Variants in UBE2O observed in about 807,000 individuals in gnomAD.
UBE2O encodes ubiquitin conjugating enzyme E2 O, also known as (E3-independent) E2 ubiquitin-conjugating enzyme.
In UBE2O, 15 loss-of-function variants were observed where a neutral mutation model predicts 125.8. That is an observed-to-expected ratio of 0.12 (90% CI 0.08 to 0.18). The LOEUF (loss-of-function observed/expected upper bound fraction) is 0.18. Among genes scored for constraint, UBE2O ranks in the 10% least tolerant of loss-of-function variants. The probability of loss-of-function intolerance (pLI) is 1.00; values close to 1 mark genes in which losing one functional copy is unlikely to be tolerated. For missense variants in UBE2O, 1,280 were observed against 1,723.6 expected (o/e 0.74, Z 4.56); for synonymous variants, 708 against 703.2 (o/e 1.01, Z -0.11).
chr17:76,393,279 T>G (rs2072146244), intron 15 of UBE2O, among the ~76,000 whole-genome samples: 1 of 88,850 alleles, frequency 1.1e-5, no homozygotes, highest in Admixed American at 1.2e-4. Context: ...CTTATGTGTT[T>G]TTTTGAGATG....
At chr17:76,444,668 G>A (rs745568315) in intron 1 of UBE2O, among the ~76,000 whole-genome samples, 5 of 152,188 alleles carry the variant, frequency 3.3e-5, no homozygotes, top group African/African-American at 4.8e-5. Flanking sequence ...GACTGAAGGC[G>A]AGAGCAGGTC....
intron 5 of UBE2O, among the ~76,000 whole-genome samples, chr17:76,401,357 A>C (rs921784244): frequency 2.0e-5 from 3 of 152,202 alleles, no homozygotes; most frequent in African/African-American, 7.2e-5. Context: ...GCCCTTGTTC[A>C]AACATAGGTG....
intron 1 of UBE2O, among the ~76,000 whole-genome samples, chr17:76,442,522 C>T (rs1252768491): frequency 1.3e-5 from 2 of 152,194 alleles, no homozygotes; most frequent in Admixed American, 6.5e-5. Context: ...TCTGCATGTG[C>T]GTGATAGCAC....
rs181595035 is a variant in UBE2O, at chr17:76,441,094, A to G, written c.417+11631T>C. Among the ~76,000 whole-genome samples the G allele has an allele frequency of 2.3e-3, 344 of 152,324 alleles. 1 individual carries two copies. The highest frequency in any genetic ancestry group is 8.1e-3 in the African/African-American group (337 of 41,562). On this transcript the variant is annotated intron_variant, in intron 1 of 17. Transcript: ENST00000319380. ...GAGTTATAAGCTTTCTCTGGGTTTCAGTCTTTCCTTTTCTAAAATGGGGCA... is the reference window on the plus strand; with the variant it reads ...GAGTTATAAGCTTTCTCTGGGTTTCGGTCTTTCCTTTTCTAAAATGGGGCA...
chr17:76,424,370 T>C (rs1196664498), intron 1 of UBE2O, among the ~76,000 whole-genome samples: 2 of 151,122 alleles, frequency 1.3e-5, no homozygotes, highest in Non-Finnish European at 2.9e-5. Context: ...CACCACACTC[T>C]GCTAATTTTT....
rs1274878112 is a variant in UBE2O at position 76,391,917 on chromosome 17, A to G, written c.3143T>C (p.Ile1048Thr). Residue 1048 changes from isoleucine to threonine, a missense_variant, in exon 16 of 18, where the codon ATT (isoleucine) becomes ACT (threonine). This residue lies in a region of UBE2O where 37 missense variants were observed against 115.6 expected (regional missense o/e 0.32). Transcript: ENST00000319380. This position sits in a 1 kb window ranked among gnomAD's most constrained non-coding sequence, Gnocchi z 8.4. ...KVCVSLLGTW[I>T]GKGTERWTSK... ...GCCTGGCCCTATACTCACCTTTCCA[A>G]TCCAGGTGCCCAGGAGGCTGACACA... 1 of 1,612,742 alleles carries G rather than the reference A, an allele frequency of 6.2e-7. No individual in the cohort carries two copies. Among genetic ancestry groups the G allele is most frequent in the Non-Finnish European group, 8.5e-7 (1 of 1,179,602 alleles).
At chr17:76,420,835 C>T (rs996763998) in intron 1 of UBE2O, among the ~76,000 whole-genome samples, 24 of 152,052 alleles carry the variant, frequency 1.6e-4, no homozygotes, top group African/African-American at 5.3e-4. Flanking sequence ...ACAGAAAGCC[C>T]GAGACAGGCT....
intron 1 of UBE2O, among the ~76,000 whole-genome samples, chr17:76,432,282 G>A (rs924083487): frequency 5.3e-5 from 8 of 152,148 alleles, no homozygotes; most frequent in African/African-American, 7.2e-5. Flanking sequence ...ATCAAAGTAT[G>A]TTCCTGTCAA....
rs1400070307 is a variant in UBE2O at position 76,391,809 on chromosome 17, G to T, written c.3155C>A (p.Thr1052Lys). ...GCTGGACTTGCTTGTCCACCTCTCT[G>T]TCCCCTGAAACACACAGGGCACCAT... ...SLLGTWIGKG[T>K]ERWTSKSSLL... The change falls in exon 17 of 18, where the codon ACA becomes AAA. Residue 1052 changes from threonine (T) to lysine (K), a missense_variant. Around this residue, in one of 10 missense-constraint regions of UBE2O, gnomAD observed 37 missense variants for 115.6 expected, o/e 0.32. Transcript: ENST00000319380. The surrounding 1 kb of genome is among the most constrained non-coding windows in gnomAD (Gnocchi z 8.4). 6.2e-7 allele frequency: 1 copy of T among 1,614,104 alleles called. No homozygotes were observed. The highest frequency in any genetic ancestry group is 1.1e-5 in the South Asian group (1 of 91,076).
In UBE2O at chr17:76,396,904, T is replaced by G; in HGVS notation, c.2116-83A>C. On this transcript the variant is annotated intron_variant, in intron 13 of 17. Coordinates refer to ENST00000319380, the MANE Select transcript of UBE2O (RefSeq NM_022066.4). This position sits in a 1 kb window ranked among gnomAD's most constrained non-coding sequence, Gnocchi z 6.7. ...AAGGAGGAGCTCTGGGGATCCCTGA[T>G]CCGCACAGCTGATGGCGACTGGGCT... 8.7e-6 allele frequency: 11 copies of G among 1,257,686 alleles called. No individual in the cohort carries two copies. The highest frequency in any genetic ancestry group is 4.6e-5 in the Admixed American group (2 of 43,240). 77.9% of individuals were successfully genotyped at this position (1,257,686 alleles called of 1,614,324 possible).
intron 1 of UBE2O, among the ~76,000 whole-genome samples, chr17:76,416,836 A>G (rs1363772295): frequency 6.6e-6 from 1 of 152,208 alleles, no homozygotes; most frequent in Non-Finnish European, 1.5e-5. Context: ...CAGGACAGTG[A>G]AACAGGACTC....
intron 3 of UBE2O, among the ~76,000 whole-genome samples, chr17:76,403,540 G>C (rs962697707): frequency 1.3e-5 from 2 of 152,046 alleles, no homozygotes; most frequent in Admixed American, 6.6e-5. Flanking sequence ...TCAAAGTGTT[G>C]GGATTACAGG....
chr17:76,415,801 G>C (rs1037086111), intron 1 of UBE2O, among the ~76,000 whole-genome samples: 119 of 150,986 alleles, frequency 7.9e-4, no homozygotes, highest in South Asian at 2.9e-3. Flanking sequence ...AAGACTGTGT[G>C]TGTGTGTGTG....
intron 1 of UBE2O, among the ~76,000 whole-genome samples, chr17:76,418,775 T>C (rs1047270188): frequency 1.3e-5 from 2 of 152,154 alleles, no homozygotes; most frequent in African/African-American, 2.4e-5. Flanking sequence ...TTCACCGTGT[T>C]GGCCAGGATG....
Position 76,418,274 on chromosome 17 carries a change from C to T in UBE2O, c.418-12702G>A, listed in dbSNP as rs550737725. 3.3e-5 allele frequency among the ~76,000 whole-genome samples: 5 copies of T among 152,328 alleles called. No homozygotes were observed. The East Asian group carries it at 9.6e-4, about 29-fold the overall frequency. On this transcript the variant is annotated intron_variant, in intron 1 of 17. Transcript: ENST00000319380. ...ACAGCCTCCCGGAGGGCTCTCCAGG[C>T]CTCACACAAAAACTCATTTTATCAC... is the stretch of plus-strand genomic sequence containing the variant.
intron 1 of UBE2O, among the ~76,000 whole-genome samples, chr17:76,448,910 A>AT (rs2073190385): frequency 6.6e-6 from 1 of 152,256 alleles, no homozygotes; most frequent in Non-Finnish European, 1.5e-5. Context: ...GGCCAGATGG[A>AT]CAGTTTCAAG....
intron 1 of UBE2O, among the ~76,000 whole-genome samples, chr17:76,415,795 C>CTCTGTG (rs1555607402): frequency 0.035 from 4,971 of 143,218 alleles, 143 homozygotes; most frequent in East Asian, 0.13. Context: ...CAGAGCAAGA[C>CTCTGTG]TGTGTGTGTG....
chr17:76,432,146 C>G (rs994982228), intron 1 of UBE2O, among the ~76,000 whole-genome samples: 1 of 152,168 alleles, frequency 6.6e-6, no homozygotes. Flanking sequence ...TGTGAGGCAG[C>G]AGCAGCCAAG....
At position 76,399,561 on chromosome 17, in the gene UBE2O, T is replaced by C; in HGVS notation, c.1516A>G (p.Ser506Gly). 1 of 1,614,204 alleles carries C rather than the reference T, an allele frequency of 6.2e-7. No homozygotes were observed. The highest frequency in any genetic ancestry group is 8.5e-7 in the Non-Finnish European group (1 of 1,180,038). The change falls in exon 9 of 18, where the codon AGC becomes GGC. Residue 506 changes from serine (S) to glycine (G), a missense_variant. Physicochemically the swap from Ser to Gly is moderately conservative, Grantham distance 56. Transcript: ENST00000319380. This position sits in a 1 kb window ranked among gnomAD's most constrained non-coding sequence, Gnocchi z 6.9. ...SSASSTTSSQSGSGTSRKKSI... is the reference protein window; with the variant it reads ...SSASSTTSSQGGSGTSRKKSI... ...TTTTTGCGACTCGTGCCGCTGCCGC[T>C]CTGGGAGGAAGTGGTGGAGCTGGCA...
Sources: allele counts gnomAD v4.1 joint callset (sites outside exome capture counted in the v4.1 genomes callset), GRCh38; gene constraint gnomAD v4.1.1; regional missense constraint gnomAD v4.1.1; non-coding constraint Gnocchi (gnomAD v3.1); transcripts MANE v1.5; gene names NCBI Gene and HGNC (gene_info 2026-07-23, HGNC 2026-07-21).